Variants in CTNNA3 observed in about 807,000 individuals in gnomAD.
CTNNA3 encodes catenin alpha 3, also known as catenin alpha-3.
In CTNNA3, 76 loss-of-function variants were observed where a neutral mutation model predicts 95.7. That is an observed-to-expected ratio of 0.79 (90% CI 0.66 to 0.96). The LOEUF (loss-of-function observed/expected upper bound fraction) is 0.96, where lower values mean the gene tolerates loss of function less well. CTNNA3 is among the 40% of genes least tolerant of loss of function. The pLI is 0.00. For synonymous variants in CTNNA3, 431 were observed against 374.4 expected (o/e 1.15, Z -1.74); for missense variants, 1,191 against 1,089.8 (o/e 1.09, Z -1.31).
intron 8 of CTNNA3, among the ~76,000 whole-genome samples, chr10:66,772,441 A>G (rs75073849): frequency 6.4e-5 from 9 of 141,480 alleles, no homozygotes; most frequent in Non-Finnish European, 1.2e-4. Context: ...AAAAAAAAAA[A>G]AGAGAGAGAG....
intron 9 of CTNNA3, among the ~76,000 whole-genome samples, chr10:66,687,689 C>A (rs1033286884): frequency 7.0e-6 from 1 of 142,456 alleles, no homozygotes; most frequent in Non-Finnish European, 1.5e-5. Flanking sequence ...TCCTTATCAC[C>A]TGTATTGATT....
At chr10:66,134,667 G>A (rs2083268102) in intron 13 of CTNNA3, among the ~76,000 whole-genome samples, 1 of 152,108 alleles carries the variant, frequency 6.6e-6, no homozygotes, top group Non-Finnish European at 1.5e-5. Flanking sequence ...ACTACAAGAT[G>A]CAGGTGTGAA....
chr10:67,691,899 C>G (rs1273241583), intron 1 of CTNNA3, among the ~76,000 whole-genome samples: 81 of 147,912 alleles, frequency 5.5e-4, no homozygotes, highest in African/African-American at 2.0e-3. Flanking sequence ...GGGGGGTCAG[C>G]CCCCCGCCCG....
At chr10:67,467,323 C>T (rs190128712) in intron 5 of CTNNA3, among the ~76,000 whole-genome samples, 43 of 152,214 alleles carry the variant, frequency 2.8e-4, no homozygotes, top group African/African-American at 8.7e-4. Context: ...AATCTTCCAG[C>T]TTTTTTCATG....
chr10:67,307,341 C>T (rs184959689), intron 5 of CTNNA3, among the ~76,000 whole-genome samples: 15 of 152,290 alleles, frequency 9.8e-5, no homozygotes, highest in South Asian at 6.2e-4. Context: ...TCAAATTATA[C>T]GGGCAGTAAT....
At chr10:67,382,949 C>A (rs1464253479) in intron 5 of CTNNA3, among the ~76,000 whole-genome samples, 1 of 152,084 alleles carries the variant, frequency 6.6e-6, no homozygotes, top group Non-Finnish European at 1.5e-5. Context: ...GATCAGTCCC[C>A]AAGACCCAAA....
chr10:65,985,413 A>T (rs1361155519), intron 16 of CTNNA3, among the ~76,000 whole-genome samples: 1 of 151,354 alleles, frequency 6.6e-6, no homozygotes, highest in Non-Finnish European at 1.5e-5. Context: ...TTAAAGTGTA[A>T]AGTATTTCTA....
chr10:66,062,112 T>C (rs1353781372), intron 15 of CTNNA3, among the ~76,000 whole-genome samples: 1 of 152,132 alleles, frequency 6.6e-6, no homozygotes, highest in Non-Finnish European at 1.5e-5. Flanking sequence ...ATGGAGGGTA[T>C]AATAATCAAT....
chr10:66,206,116 C>A (rs945901399), intron 13 of CTNNA3, among the ~76,000 whole-genome samples: 2 of 151,808 alleles, frequency 1.3e-5, no homozygotes, highest in African/African-American at 4.8e-5. Flanking sequence ...GAAATTTAGT[C>A]CTTTTACTAG....
At chr10:67,076,808 G>A (rs994893909) in intron 7 of CTNNA3, among the ~76,000 whole-genome samples, 1 of 152,078 alleles carries the variant, frequency 6.6e-6, no homozygotes, top group East Asian at 1.9e-4. Flanking sequence ...TTAGAAAAAT[G>A]CTCTACTGAA....
chr10:66,034,146 T>A (rs889045883), intron 15 of CTNNA3, among the ~76,000 whole-genome samples: 45 of 152,016 alleles, frequency 3.0e-4, no homozygotes, highest in Admixed American at 1.9e-3. Flanking sequence ...GATATTTGAA[T>A]TAGATAGTGT....
intron 7 of CTNNA3, among the ~76,000 whole-genome samples, chr10:67,144,468 C>T (rs968810815): frequency 1.3e-5 from 2 of 152,206 alleles, no homozygotes; most frequent in Non-Finnish European, 2.9e-5. Context: ...ACTGTTTTAT[C>T]TACATTGAAA....
chr10:67,310,433 G>A (rs1215890471), intron 5 of CTNNA3, among the ~76,000 whole-genome samples: 1 of 152,084 alleles, frequency 6.6e-6, no homozygotes, highest in Non-Finnish European at 1.5e-5. Context: ...AGTTTTCTGA[G>A]ATATTAAATT....
At chr10:66,687,716 T>TACAC (rs1175215616) in intron 9 of CTNNA3, among the ~76,000 whole-genome samples, 8 of 141,430 alleles carry the variant, frequency 5.7e-5, no homozygotes, top group East Asian at 4.5e-4. Flanking sequence ...TATATATATA[T>TACAC]ATACACACAC....
intron 15 of CTNNA3, among the ~76,000 whole-genome samples, chr10:66,015,677 C>G (rs965639296): frequency 6.6e-6 from 1 of 151,922 alleles, no homozygotes; most frequent in Non-Finnish European, 1.5e-5. Flanking sequence ...ATACACTGGC[C>G]TTTCCATAGA....
At chr10:66,827,950 G>A (rs1371378075) in intron 7 of CTNNA3, among the ~76,000 whole-genome samples, 2 of 152,180 alleles carry the variant, frequency 1.3e-5, no homozygotes, top group Admixed American at 1.3e-4. Flanking sequence ...CTTCAAAATG[G>A]AGAAGTGGGT....
chr10:67,386,666 T>G lies in CTNNA3; in HGVS notation c.579+135176A>C, dbSNP rs536439293. The stretch of plus-strand genomic sequence containing the variant: ...AAAAGATAGAAAAAGTCTTATACTT[T>G]AATCCCAATGGCCTTTGTATATGTT... On this transcript the variant is annotated intron_variant, in intron 5 of 17. Transcript: ENST00000433211. Among the ~76,000 whole-genome samples the G allele has an allele frequency of 4.6e-5, 7 of 152,330 alleles. 1 individual carries two copies. The South Asian group carries it at 1.5e-3, about 32-fold the overall frequency.
At position 66,378,805 on chromosome 10, in the gene CTNNA3, T is replaced by C. The variant is rs1040022251; in HGVS notation, c.1732+347A>G. Among the ~76,000 whole-genome samples, 43 of 152,172 alleles carry C rather than the reference T, an allele frequency of 2.8e-4. 1 individual carries two copies. The highest frequency in any genetic ancestry group is 9.4e-4 in the African/African-American group (39 of 41,444). ...AACAAAAACTTAGGGATATCAATGA[T>C]ACAGTTAACAGAGGGTTTGGTGACT... On this transcript the variant is annotated intron_variant, in intron 12 of 17. Transcript: ENST00000433211.
chr10:67,543,355 C>T (rs2133210479), intron 3 of CTNNA3, among the ~76,000 whole-genome samples: 1 of 151,996 alleles, frequency 6.6e-6, no homozygotes, highest in East Asian at 1.9e-4. Flanking sequence ...AATAAATAAA[C>T]TCCAGAAGTA....
Sources: allele counts gnomAD v4.1 joint callset (sites outside exome capture counted in the v4.1 genomes callset), GRCh38; gene constraint gnomAD v4.1.1; transcripts MANE v1.5; gene names NCBI Gene and HGNC (gene_info 2026-07-23, HGNC 2026-07-21).